BNC2: variants seen among roughly 807,000 people sequenced by gnomAD.
BNC2 encodes the protein zinc finger protein basonuclin-2.
BNC2 carries 20 observed loss-of-function variants against 76.3 expected under a neutral mutation model. That is an observed-to-expected ratio of 0.26 (90% CI 0.18 to 0.38). BNC2 has a LOEUF of 0.38. Among genes scored for constraint, BNC2 ranks in the 10% least tolerant of loss-of-function variants. BNC2 has a pLI of 1.00. For synonymous variants in BNC2, 582 were observed against 514.8 expected, an observed-to-expected ratio of 1.13 and a Z score of -1.77; for missense variants, 1,382 against 1,399.8, an observed-to-expected ratio of 0.99 and a Z score of 0.20.
At chr9:16,525,520 G>C (rs1031584858) in intron 5 of BNC2, among the ~76,000 whole-genome samples, 5 of 152,166 alleles carry the variant, frequency 3.3e-5, no homozygotes, top group Non-Finnish European at 7.4e-5. Flanking sequence ...CTCATTAAGA[G>C]AAATGCAAAT....
intron 3 of BNC2, among the ~76,000 whole-genome samples, chr9:16,614,893 C>A (rs1418894728): frequency 7.1e-6 from 1 of 140,934 alleles, no homozygotes; most frequent in Non-Finnish European, 1.5e-5. Context: ...GAGGTCAAGG[C>A]TGCAGTTAGC....
chr9:16,747,211 C>T (rs192703216), intron 1 of BNC2, among the ~76,000 whole-genome samples: 29 of 152,152 alleles, frequency 1.9e-4, no homozygotes, highest in African/African-American at 7.0e-4. Flanking sequence ...TCCTTGTACC[C>T]GCTTCTAGAG....
At position 16,437,239 on chromosome 9, in the gene BNC2, G is replaced by A; in HGVS notation, c.955C>T (p.Leu319Phe). 2.5e-6 allele frequency: 4 copies of A among 1,614,184 alleles called. No homozygotes were observed. The highest frequency in any genetic ancestry group is 3.4e-6 in the Non-Finnish European group (4 of 1,180,034). Residue 319 changes from leucine (L) to phenylalanine (F), a missense_variant, in exon 6 of 7, where the codon CTT becomes TTT. Physicochemically the swap from Leu to Phe is conservative, Grantham distance 22. Around this residue, in one of 3 missense-constraint regions of BNC2, gnomAD observed 557 missense variants for 540.9 expected, o/e 1.03. Coordinates refer to ENST00000380672, the MANE Select transcript of BNC2 (RefSeq NM_017637.6). The stretch of plus-strand genomic sequence containing the variant: ...TACTGGAATGGAAGCAGAAATGCAA[G>A]GCTGTTTGGGATGTTTTCGAAGTGA... Reference protein sequence around the residue: ...IHHFENIPNSLAFLLPFQYIN... With the variant: ...IHHFENIPNSFAFLLPFQYIN...
At chr9:16,789,385 G>T (rs1384204262) in intron 1 of BNC2, among the ~76,000 whole-genome samples, 1 of 152,070 alleles carries the variant, frequency 6.6e-6, no homozygotes, top group African/African-American at 2.4e-5. Flanking sequence ...TAATTTAAAA[G>T]AAACTAGGGG....
intron 5 of BNC2, among the ~76,000 whole-genome samples, chr9:16,550,619 T>G (rs1424083157): frequency 6.6e-6 from 1 of 152,226 alleles, no homozygotes; most frequent in African/African-American, 2.4e-5. Flanking sequence ...GCCCTGCACA[T>G]ACCTATTTGT....
rs532793288 is a variant in BNC2, at chr9:16,778,731, A to G, written c.4-40246T>C. ...AGGCTTCAAACGAGATCCTTAATGC[A>G]TAGTTCTCAAAGTGGTATAAGCTGA... On this transcript the variant is annotated intron_variant, in intron 1 of 6. Transcript: ENST00000380672. 1.1e-3 allele frequency among the ~76,000 whole-genome samples: 162 copies of G among 152,318 alleles called. 1 individual carries two copies. The highest frequency in any genetic ancestry group is 2.1e-4 in the Non-Finnish European group (14 of 68,030).
chr9:16,617,543 A>C (rs1236456332), intron 3 of BNC2, among the ~76,000 whole-genome samples: 2 of 150,792 alleles, frequency 1.3e-5, no homozygotes, highest in Non-Finnish European at 2.9e-5. Context: ...AAAAAAAAAA[A>C]ACCACGATTA....
intron 5 of BNC2, among the ~76,000 whole-genome samples, chr9:16,444,857 T>C (rs1388872281): frequency 2.6e-5 from 4 of 152,202 alleles, no homozygotes; most frequent in Non-Finnish European, 4.4e-5. Flanking sequence ...CAACCTTAAA[T>C]TGTCATTCTA....
chr9:16,849,352 A>AT (rs35561834), intron 1 of BNC2, among the ~76,000 whole-genome samples: 51,362 of 90,250 alleles, frequency 0.57, 15,869 homozygotes, highest in Non-Finnish European at 0.64. Flanking sequence ...CATGCAAAAG[A>AT]TTTTTTTTTT....
chr9:16,706,769 TA>T (rs1025308236), intron 3 of BNC2, among the ~76,000 whole-genome samples: 5 of 151,790 alleles, frequency 3.3e-5, no homozygotes, highest in African/African-American at 1.2e-4. Flanking sequence ...AATTAATTTT[TA>T]AAAAAAAGGA....
At chr9:16,844,009 C>T (rs1200008240) in intron 1 of BNC2, among the ~76,000 whole-genome samples, 3 of 152,232 alleles carry the variant, frequency 2.0e-5, no homozygotes, top group Admixed American at 6.5e-5. Context: ...TGGCCAGACA[C>T]GGTTGCTCAC....
intron 3 of BNC2, among the ~76,000 whole-genome samples, chr9:16,686,443 T>C (rs924153447): frequency 5.3e-5 from 8 of 152,232 alleles, no homozygotes; most frequent in Non-Finnish European, 1.2e-4. Flanking sequence ...ACATGTTTTC[T>C]GCTTTTTAAA....
intron 3 of BNC2, among the ~76,000 whole-genome samples, chr9:16,595,296 G>C (rs1820035864): frequency 6.6e-6 from 1 of 152,072 alleles, no homozygotes; most frequent in Non-Finnish European, 1.5e-5. Flanking sequence ...AAAAGAATAT[G>C]TTTCTTCACT....
At position 16,411,937 on chromosome 9, in the gene BNC2, G is replaced by C. The variant is rs1371469316; in HGVS notation, c.*7052C>G. ...AGTCCCAGAAAGAAGACGCTTGATA[G>C]ATCTTGCACTTCATTTAGTCACTAA... is the stretch of plus-strand genomic sequence containing the variant. On this transcript the variant is annotated 3_prime_UTR_variant, in exon 7 of 7. Transcript: ENST00000380672. The C allele has an allele frequency of 6.6e-6, 1 of 152,232 alleles. No individual in the cohort carries two copies. Among genetic ancestry groups the C allele is most frequent in the Non-Finnish European group, 1.5e-5 (1 of 68,044 alleles). The allele number at this position is 152,232 out of a possible 1,614,324, so 9.4% of individuals were successfully genotyped here.
At chr9:16,790,731 A>G (rs186262676) in intron 1 of BNC2, among the ~76,000 whole-genome samples, 19 of 151,688 alleles carry the variant, frequency 1.3e-4, no homozygotes, top group African/African-American at 4.4e-4. Context: ...ACTGACTTTG[A>G]TAAGTTAGTT....
chr9:16,738,249 G>C, intron 2 of BNC2, 111 bp downstream of exon 2: 1 of 1,203,572 alleles, frequency 8.3e-7, no homozygotes. Flanking sequence ...AAGTATGAAA[G>C]ACAGTAAAAG....
intron 3 of BNC2, among the ~76,000 whole-genome samples, chr9:16,619,316 T>C (rs542252091): frequency 6.7e-6 from 1 of 149,960 alleles, no homozygotes; most frequent in African/African-American, 2.5e-5. Context: ...AAAACAAAAA[T>C]AGTTTTCTTT....
At chr9:16,641,363 C>G (rs768074991) in intron 3 of BNC2, among the ~76,000 whole-genome samples, 3 of 152,130 alleles carry the variant, frequency 2.0e-5, no homozygotes, top group African/African-American at 7.2e-5. Context: ...TTTCTTCTCT[C>G]CTTCAAGAAC....
chr9:16,524,064 T>C (rs773444659), intron 5 of BNC2, among the ~76,000 whole-genome samples: 1 of 152,216 alleles, frequency 6.6e-6, no homozygotes, highest in Non-Finnish European at 1.5e-5. Context: ...AAGCTGCTTC[T>C]TCAATCTCCA....
Sources: allele counts gnomAD v4.1 joint callset (sites outside exome capture counted in the v4.1 genomes callset), GRCh38; gene constraint gnomAD v4.1.1; regional missense constraint gnomAD v4.1.1; transcripts MANE v1.5; gene names NCBI Gene and HGNC (gene_info 2026-07-23, HGNC 2026-07-21).